TNKS: variants seen among roughly 807,000 people sequenced by gnomAD.
The protein encoded by TNKS is poly [ADP-ribose] polymerase tankyrase-1.
In TNKS, 72 loss-of-function variants were observed where a neutral mutation model predicts 135.8. The observed-to-expected ratio is 0.53, with a 90% CI of 0.44 to 0.64. The LOEUF (loss-of-function observed/expected upper bound fraction) is 0.64. Ranked by LOEUF, TNKS falls within the 30% of genes least tolerant of loss-of-function variation. The pLI, the probability that TNKS is intolerant of heterozygous loss-of-function variation, is 0.00. For missense variants in TNKS, 1,769 were observed against 1,674.0 expected (o/e 1.06, Z -0.99); for synonymous variants, 849 against 649.3 (o/e 1.31, Z -4.68).
At chr8:9,684,242 C>T (rs1372287137) in intron 5 of TNKS, among the ~76,000 whole-genome samples, 2 of 151,940 alleles carry the variant, frequency 1.3e-5, no homozygotes, top group African/African-American at 2.4e-5. Flanking sequence ...GATCTTTAAT[C>T]TCCCTTTACA....
rs534199423 is a variant in TNKS, at chr8:9,570,742, C to T, written c.674-9417C>T. On this transcript the variant is annotated intron_variant, in intron 1 of 26. Coordinates refer to ENST00000310430, the MANE Select transcript of TNKS (RefSeq NM_003747.3). ...GTATTCTCTAGCTCGGAACTGTGACCACACATTGAGGTGCATCTGCCATAC... is the reference window on the plus strand; with the variant it reads ...GTATTCTCTAGCTCGGAACTGTGACTACACATTGAGGTGCATCTGCCATAC... Among the ~76,000 whole-genome samples the T allele has an allele frequency of 3.9e-4, 59 of 152,296 alleles. 2 individuals carry two copies. Among genetic ancestry groups the T allele is most frequent in the African/African-American group, 1.4e-3 (58 of 41,550 alleles).
At chr8:9,610,328 A>G (rs2128763227) in intron 2 of TNKS, among the ~76,000 whole-genome samples, 1 of 151,458 alleles carries the variant, frequency 6.6e-6, no homozygotes, top group South Asian at 2.1e-4. Flanking sequence ...TTACGGTATA[A>G]TATATACTGT....
At chr8:9,650,147 C>G (rs1383211652) in intron 3 of TNKS, among the ~76,000 whole-genome samples, 2 of 152,072 alleles carry the variant, frequency 1.3e-5, no homozygotes, top group Non-Finnish European at 2.9e-5. Context: ...CCACCTCATC[C>G]TCCCAAAGTG....
chr8:9,584,863 A>G (rs956231182), intron 2 of TNKS, among the ~76,000 whole-genome samples: 20 of 152,198 alleles, frequency 1.3e-4, no homozygotes, highest in African/African-American at 4.3e-4. Flanking sequence ...GCTGGCGTCC[A>G]CAGCAAATCA....
intron 5 of TNKS, among the ~76,000 whole-genome samples, chr8:9,700,745 C>T (rs1803759657): frequency 6.6e-6 from 1 of 152,096 alleles, no homozygotes; most frequent in Non-Finnish European, 1.5e-5. Flanking sequence ...ACTCACCCTT[C>T]AACTCCATTT....
At chr8:9,595,547 C>T (rs1283374609) in intron 2 of TNKS, among the ~76,000 whole-genome samples, 1 of 150,750 alleles carries the variant, frequency 6.6e-6, no homozygotes, top group African/African-American at 2.4e-5. Flanking sequence ...GGTAGATATA[C>T]ACATAACATA....
At chr8:9,717,260 C>G (rs1804660707) in intron 11 of TNKS, among the ~76,000 whole-genome samples, 1 of 151,132 alleles carries the variant, frequency 6.6e-6, no homozygotes, top group Non-Finnish European at 1.5e-5. Context: ...ATATTGATTA[C>G]TATGTCAGTA....
intron 5 of TNKS, among the ~76,000 whole-genome samples, chr8:9,696,005 A>G (rs1409793602): frequency 6.6e-6 from 1 of 152,220 alleles, no homozygotes; most frequent in Non-Finnish European, 1.5e-5. Flanking sequence ...GTGATGTCAC[A>G]TAGGCAGTTG....
chr8:9,635,727 G>A (rs1443963000), intron 3 of TNKS, among the ~76,000 whole-genome samples: 2 of 152,108 alleles, frequency 1.3e-5, no homozygotes, highest in Non-Finnish European at 2.9e-5. Flanking sequence ...TGGCTAGGGA[G>A]GCATGACTAA....
At chr8:9,767,787 G>T (rs141721676) in intron 25 of TNKS, among the ~76,000 whole-genome samples, 14,532 of 151,748 alleles carry the variant, frequency 0.096, 776 homozygotes, top group Middle Eastern at 0.12. Flanking sequence ...GTGCAACCCC[G>T]TCTCTACTAA....
At chr8:9,686,891 C>G (rs753141769) in intron 5 of TNKS, among the ~76,000 whole-genome samples, 3 of 152,086 alleles carry the variant, frequency 2.0e-5, no homozygotes, top group Non-Finnish European at 1.5e-5. Context: ...GAATTTGGGC[C>G]ATGTGAGCTC....
At chr8:9,585,467 G>A (rs969588293) in intron 2 of TNKS, among the ~76,000 whole-genome samples, 5 of 152,010 alleles carry the variant, frequency 3.3e-5, no homozygotes, top group African/African-American at 1.2e-4. Context: ...AGATTGATGA[G>A]AAAAGATAAA....
intron 2 of TNKS, among the ~76,000 whole-genome samples, chr8:9,585,571 T>C (rs1329781470): frequency 6.6e-6 from 1 of 152,202 alleles, no homozygotes; most frequent in African/African-American, 2.4e-5. Context: ...ATTTACAATA[T>C]TGACAGCTTG....
At chr8:9,588,391 C>T (rs567264452) in intron 2 of TNKS, among the ~76,000 whole-genome samples, 2 of 152,226 alleles carry the variant, frequency 1.3e-5, no homozygotes, top group African/African-American at 4.8e-5. Flanking sequence ...GCTCTTGCCT[C>T]AGCCTCCCGA....
At chr8:9,579,715 C>G (rs1037341943) in intron 1 of TNKS, among the ~76,000 whole-genome samples, 1 of 152,152 alleles carries the variant, frequency 6.6e-6, no homozygotes, top group Non-Finnish European at 1.5e-5. Context: ...GTGACCCGCC[C>G]ACCTCGGCCT....
intron 19 of TNKS, 118 bp downstream of exon 19, chr8:9,751,964 C>T: frequency 1.2e-6 from 1 of 852,694 alleles, no homozygotes; most frequent in Non-Finnish European, 1.8e-6. Context: ...TGTAAATTTT[C>T]ATACACACAA....
At chr8:9,690,832 A>C (rs1463018937) in intron 5 of TNKS, among the ~76,000 whole-genome samples, 1 of 152,198 alleles carries the variant, frequency 6.6e-6, no homozygotes, top group African/African-American at 2.4e-5. Flanking sequence ...ACTTTGGAAG[A>C]ACATCCTTTC....
At chr8:9,666,594 C>T (rs1267628277) in intron 3 of TNKS, among the ~76,000 whole-genome samples, 1 of 151,998 alleles carries the variant, frequency 6.6e-6, no homozygotes, top group African/African-American at 2.4e-5. Flanking sequence ...GTGGCTCACG[C>T]CTGTAGTCCC....
chr8:9,577,876 C>A (rs919421959), intron 1 of TNKS, among the ~76,000 whole-genome samples: 1 of 152,188 alleles, frequency 6.6e-6, no homozygotes, highest in African/African-American at 2.4e-5. Context: ...TCCCTTCTGC[C>A]TGTAAAATCA....
Sources: gnomAD v4.1 joint callset for allele counts (sites outside exome capture counted in the v4.1 genomes callset) on GRCh38, gnomAD v4.1.1 for gene constraint, MANE v1.5 for transcripts, NCBI Gene and HGNC (gene_info 2026-07-23, HGNC 2026-07-21) for gene names.